CNTN1: variants seen among roughly 807,000 people sequenced by gnomAD.
CNTN1 encodes contactin-1.
Under a neutral mutation model 126.4 loss-of-function variants are expected in CNTN1, and 38 were observed. That is an observed-to-expected ratio of 0.30 (90% CI 0.23 to 0.39). The LOEUF (loss-of-function observed/expected upper bound fraction) is 0.39. Ranked by LOEUF, CNTN1 falls within the 10% of genes least tolerant of loss-of-function variation. The pLI is 1.00. For missense variants in CNTN1, 1,009 were observed against 1,248.4 expected, an observed-to-expected ratio of 0.81 and a Z score of 2.89; for synonymous variants, 413 against 422.6, an observed-to-expected ratio of 0.98 and a Z score of 0.28.
At chr12:40,899,426 T>G (rs577831303) in intron 1 of CNTN1, among the ~76,000 whole-genome samples, 9 of 152,206 alleles carry the variant, frequency 5.9e-5, no homozygotes, top group Non-Finnish European at 1.2e-4. Context: ...AATGCCTTGT[T>G]TATTATGATA....
chr12:40,924,750 T>C, intron 6 of CNTN1, 98 bp downstream of exon 6: 1 of 712,166 alleles, frequency 1.4e-6, no homozygotes, highest in South Asian at 1.5e-5. Context: ...TAATCATGGC[T>C]TATTATTAAT....
chr12:41,036,809 G>A (rs1375720799), intron 23 of CNTN1, among the ~76,000 whole-genome samples: 1 of 152,106 alleles, frequency 6.6e-6, no homozygotes, highest in Admixed American at 6.6e-5. Context: ...GCAATGACTG[G>A]ATTAAAGGGA....
intron 1 of CNTN1, among the ~76,000 whole-genome samples, chr12:40,878,130 T>C (rs1437032500): frequency 6.6e-6 from 1 of 151,310 alleles, no homozygotes; most frequent in Non-Finnish European, 1.5e-5. Flanking sequence ...CCCGAGTAGC[T>C]GGGATTACAG....
intron 15 of CNTN1, among the ~76,000 whole-genome samples, chr12:40,977,073 G>A (rs1001434594): frequency 1.3e-5 from 2 of 152,102 alleles, no homozygotes; most frequent in African/African-American, 2.4e-5. Flanking sequence ...TTGGTTTTAT[G>A]TATTTTAGGG....
At position 41,016,822 on chromosome 12, in the gene CNTN1, C is replaced by A. The variant is rs538201110; in HGVS notation, c.2325C>A (p.Ser775Arg). The stretch of plus-strand genomic sequence containing the variant: ...ATGTCCATAAAGATGAAACCATGAG[C>A]CCTTCCACTGCATTTCAAGTTAAAG... ...GRYVHKDETM[S>R]PSTAFQVKVK... The change falls in exon 19 of 24, where the codon AGC (serine) becomes AGA (arginine). Residue 775 changes from serine (S) to arginine (R), a missense_variant. Ser to Arg is a moderately radical substitution (Grantham distance 110). Coordinates refer to ENST00000551295, the MANE Select transcript of CNTN1 (RefSeq NM_001843.4). 5.6e-6 allele frequency: 9 copies of A among 1,614,106 alleles called. No individual in the cohort carries two copies. The African/African-American group carries it at 1.1e-4, about 19-fold the overall frequency.
chr12:41,035,475 G>C (rs1290374408), intron 23 of CNTN1, among the ~76,000 whole-genome samples: 1 of 152,108 alleles, frequency 6.6e-6, no homozygotes, highest in East Asian at 1.9e-4. Context: ...ATTCTGCTGG[G>C]CTATTGGTTA....
At chr12:40,959,060 C>T in intron 14 of CNTN1, 54 bp from the exon 15 acceptor site, 3 of 1,608,346 alleles carry the variant, frequency 1.9e-6, no homozygotes, top group Admixed American at 1.7e-5. Context: ...TCTTAAATGC[C>T]ACATAATTGG....
chr12:40,842,085 CTAAGT>C (rs768242235), intron 1 of CNTN1, among the ~76,000 whole-genome samples: 2 of 151,942 alleles, frequency 1.3e-5, no homozygotes, highest in African/African-American at 4.8e-5. Flanking sequence ...AAACCCTAAT[CTAAGT>C]TAAGTTAAAA....
chr12:40,700,070 T>C (rs944509115), intron 1 of CNTN1, among the ~76,000 whole-genome samples: 1 of 152,150 alleles, frequency 6.6e-6, no homozygotes, highest in Non-Finnish European at 1.5e-5. Flanking sequence ...TTAAACATAT[T>C]TTAAAGTCTT....
At chr12:40,807,787 T>G (rs1940914229) in intron 1 of CNTN1, among the ~76,000 whole-genome samples, 1 of 152,214 alleles carries the variant, frequency 6.6e-6, no homozygotes, top group South Asian at 2.1e-4. Context: ...TGTAAACCTA[T>G]TCAACCATAG....
chr12:40,981,801 A>G lies in CNTN1; in HGVS notation c.1963+734A>G, dbSNP rs373292225. 6.6e-3 allele frequency among the ~76,000 whole-genome samples: 1,010 copies of G among 152,186 alleles called. 6 individuals are homozygous for G. Among genetic ancestry groups the G allele is most frequent in the South Asian group, 0.031 (150 of 4,826 alleles). ...CTGTTTATCTTTGTAACTTTTGACA[A>G]TATTTTTAAACAAACTTGTCATTGC... On this transcript the variant is annotated intron_variant, in intron 16 of 23. Transcript: ENST00000551295.
intron 3 of CNTN1, among the ~76,000 whole-genome samples, chr12:40,917,203 T>C (rs1592252875): frequency 1.3e-5 from 2 of 152,092 alleles, no homozygotes; most frequent in African/African-American, 4.8e-5. Flanking sequence ...TTTAGAAGCT[T>C]CATGATTAGT....
intron 6 of CNTN1, among the ~76,000 whole-genome samples, chr12:40,926,207 A>AGATAGATAGATAGATT (rs1555182069): frequency 4.0e-5 from 6 of 151,828 alleles, no homozygotes; most frequent in Non-Finnish European, 5.9e-5. Flanking sequence ...ATAGATAGAT[A>AGATAGATAGATAGATT]GATAGATAGA....
intron 23 of CNTN1, among the ~76,000 whole-genome samples, chr12:41,062,700 T>C (rs1434422298): frequency 6.6e-6 from 1 of 152,218 alleles, no homozygotes; most frequent in African/African-American, 2.4e-5. Context: ...AGGAAGTAAA[T>C]GGGACTGCAT....
chr12:40,958,420 C>T (rs997449311), intron 14 of CNTN1, among the ~76,000 whole-genome samples: 22 of 150,586 alleles, frequency 1.5e-4, no homozygotes, highest in Admixed American at 1.1e-3. Context: ...GACCAGGACC[C>T]GGTATAGAGT....
intron 17 of CNTN1, among the ~76,000 whole-genome samples, chr12:41,006,339 G>C (rs1948493246): frequency 6.6e-6 from 1 of 152,194 alleles, no homozygotes; most frequent in Admixed American, 6.5e-5. Context: ...ACAAGTGCTG[G>C]GGTATCTGCC....
At chr12:41,060,060 T>C (rs970477572) in intron 23 of CNTN1, among the ~76,000 whole-genome samples, 54 of 152,192 alleles carry the variant, frequency 3.5e-4, no homozygotes, top group African/African-American at 1.3e-3. Context: ...TGACATATTA[T>C]GGATCAGGCT....
chr12:41,021,747 G>A (rs1948918392), intron 20 of CNTN1, among the ~76,000 whole-genome samples: 1 of 151,056 alleles, frequency 6.6e-6, no homozygotes, highest in South Asian at 2.1e-4. Context: ...CAGAAGAGTA[G>A]ACTGGGAATA....
intron 14 of CNTN1, among the ~76,000 whole-genome samples, chr12:40,944,417 T>A (rs1404582537): frequency 6.6e-6 from 1 of 152,050 alleles, no homozygotes; most frequent in Non-Finnish European, 1.5e-5. Context: ...TTAGGTATGA[T>A]TTCCCCCTTA....
Sources: allele counts gnomAD v4.1 joint callset (sites outside exome capture counted in the v4.1 genomes callset), GRCh38; gene constraint gnomAD v4.1.1; transcripts MANE v1.5; gene names NCBI Gene and HGNC (gene_info 2026-07-23, HGNC 2026-07-21).